Variants in ABCA13 observed in about 807,000 individuals in gnomAD.
ABCA13 encodes ATP-binding cassette sub-family A member 13.
A neutral mutation model predicts 478.7 loss-of-function variants in ABCA13; 476 were observed. The observed-to-expected ratio is 0.99, with a 90% CI of 0.92 to 1.07. The LOEUF is 1.07. Ranked by LOEUF, ABCA13 falls within the 50% of genes least tolerant of loss-of-function variation. The probability of loss-of-function intolerance (pLI) is 0.00; values close to 1 mark genes in which losing one functional copy is unlikely to be tolerated. For missense variants in ABCA13, 6,060 were observed against 5,910.6 expected (o/e 1.03, Z -0.83); for synonymous variants, 2,252 against 2,158.9 (o/e 1.04, Z -1.20).
chr7:48,372,557 C>T (rs1188650592), intron 33 of ABCA13, 60 bp downstream of exon 33: 8 of 1,337,856 alleles, frequency 6.0e-6, no homozygotes, highest in Non-Finnish European at 8.0e-6. Context: ...ATCTATCTAA[C>T]AAGACAAAAT....
chr7:48,420,792 A>T (rs1342290461), intron 41 of ABCA13, among the ~76,000 whole-genome samples: 1 of 151,498 alleles, frequency 6.6e-6, no homozygotes. Context: ...TTGCTGTAAA[A>T]TCTTTGCCCA....
At chr7:48,399,152 A>G (rs1817252870) in intron 38 of ABCA13, among the ~76,000 whole-genome samples, 1 of 152,222 alleles carries the variant, frequency 6.6e-6, no homozygotes, top group African/African-American at 2.4e-5. Flanking sequence ...TTTGCTGCAA[A>G]AAAAGCAAAG....
At chr7:48,625,086 T>C (rs1019966959) in intron 59 of ABCA13, among the ~76,000 whole-genome samples, 1 of 152,102 alleles carries the variant, frequency 6.6e-6, no homozygotes, top group African/African-American at 2.4e-5. Context: ...GAAGGGTTTG[T>C]TTGTGGATTT....
intron 43 of ABCA13, among the ~76,000 whole-genome samples, chr7:48,464,287 TG>T (rs950903306): frequency 2.4e-4 from 36 of 152,348 alleles, no homozygotes; most frequent in African/African-American, 8.4e-4. Flanking sequence ...TTTCCTAATT[TG>T]TTAGAAACCT....
chr7:48,367,882 T>C lies in ABCA13; in HGVS notation c.10777T>C (p.Tyr3593His). 1 of 1,578,488 alleles carries C rather than the reference T, an allele frequency of 6.3e-7. No homozygotes were observed. The highest frequency in any genetic ancestry group is 8.6e-7 in the Non-Finnish European group (1 of 1,161,022). Residue 3593 changes from tyrosine to histidine, a missense_variant, in exon 32 of 62, where the codon TAT becomes CAT. This residue lies in a region of ABCA13 where 4,423 missense variants were observed against 4,309.1 expected (regional missense o/e 1.03). Transcript: ENST00000435803. Reference protein sequence around the residue: ...SVASMVRKLVYEQEIQIEEYM... With the variant: ...SVASMVRKLVHEQEIQIEEYM... ...GGCCAGCATGGTCAGAAAGTTGGTG[T>C]ATGAGCAGGAGATACAGATAGAAGA... is the stretch of plus-strand genomic sequence containing the variant.
chr7:48,530,325 T>C (rs1024530768), intron 55 of ABCA13, among the ~76,000 whole-genome samples: 5 of 151,788 alleles, frequency 3.3e-5, no homozygotes, highest in African/African-American at 9.7e-5. Context: ...TGTATATATA[T>C]ACACATATAC....
chr7:48,311,150 G>A (rs561751282), intron 24 of ABCA13, among the ~76,000 whole-genome samples: 1 of 152,174 alleles, frequency 6.6e-6, no homozygotes, highest in South Asian at 2.1e-4. Flanking sequence ...CCTGAGTTTG[G>A]GTGAACAGTT....
At chr7:48,267,792 C>G (rs1225209618) in intron 15 of ABCA13, among the ~76,000 whole-genome samples, 1 of 152,086 alleles carries the variant, frequency 6.6e-6, no homozygotes, top group Non-Finnish European at 1.5e-5. Flanking sequence ...ATTAATTTTT[C>G]TCTTCTTTAT....
At chr7:48,360,699 C>T (rs1314788689) in intron 31 of ABCA13, among the ~76,000 whole-genome samples, 12 of 151,960 alleles carry the variant, frequency 7.9e-5, no homozygotes, top group African/African-American at 2.9e-4. Context: ...TCATGTTTTA[C>T]AAACTAGAAA....
intron 55 of ABCA13, among the ~76,000 whole-genome samples, chr7:48,577,734 A>C (rs984466883): frequency 3.9e-5 from 6 of 152,174 alleles, no homozygotes; most frequent in Non-Finnish European, 7.4e-5. Context: ...TTATGAGGCC[A>C]GCATTATCAT....
At chr7:48,338,063 A>T (rs1339878376) in intron 28 of ABCA13, among the ~76,000 whole-genome samples, 1 of 152,238 alleles carries the variant, frequency 6.6e-6, no homozygotes, top group Admixed American at 6.5e-5. Flanking sequence ...AAGGTTCATT[A>T]TATAGGTTCG....
At chr7:48,605,527 C>T (rs1791378562) in intron 58 of ABCA13, among the ~76,000 whole-genome samples, 1 of 152,176 alleles carries the variant, frequency 6.6e-6, no homozygotes, top group Non-Finnish European at 1.5e-5. Flanking sequence ...ATTAAGAATG[C>T]TGAATATTGT....
At chr7:48,439,820 C>A (rs1241009800) in intron 42 of ABCA13, among the ~76,000 whole-genome samples, 1 of 152,088 alleles carries the variant, frequency 6.6e-6, no homozygotes, top group Non-Finnish European at 1.5e-5. Context: ...TTAATGAGAT[C>A]TGTAAAATGT....
intron 50 of ABCA13, among the ~76,000 whole-genome samples, chr7:48,510,843 T>C (rs1831615306): frequency 6.6e-6 from 1 of 151,860 alleles, no homozygotes; most frequent in South Asian, 2.1e-4. Flanking sequence ...TTGTTCAAAG[T>C]CCTGTCTTCA....
intron 31 of ABCA13, among the ~76,000 whole-genome samples, chr7:48,355,626 G>A (rs1397356162): frequency 6.6e-6 from 1 of 152,036 alleles, no homozygotes; most frequent in East Asian, 1.9e-4. Flanking sequence ...CCAGGTGAGA[G>A]ATGATGGTGG....
chr7:48,606,445 T>A (rs545480366), intron 58 of ABCA13, among the ~76,000 whole-genome samples: 1 of 152,316 alleles, frequency 6.6e-6, no homozygotes, highest in African/African-American at 2.4e-5. Flanking sequence ...CCTTTCTGTT[T>A]GTTAGTTTTT....
Position 48,594,707 on chromosome 7 carries a change from C to T in ABCA13, c.14641-3C>T, listed in dbSNP as rs1020263971. The T allele has an allele frequency of 1.9e-6, 3 of 1,613,366 alleles. No individual in the cohort carries two copies. The highest frequency in any genetic ancestry group is 2.5e-6 in the Non-Finnish European group (3 of 1,179,484). ...TGATTACTCTGTGTTGCCTTTCCTT[C>T]AGGATGAGCCCAGCTCTGGGATGGA... On this transcript the variant is annotated splice_region_variant and splice_polypyrimidine_tract_variant and intron_variant, in intron 57 of 61. Coordinates refer to ENST00000435803, the MANE Select transcript of ABCA13 (RefSeq NM_152701.5).
intron 58 of ABCA13, among the ~76,000 whole-genome samples, chr7:48,597,149 A>G (rs936742963): frequency 2.0e-5 from 3 of 152,002 alleles, no homozygotes; most frequent in Admixed American, 6.5e-5. Flanking sequence ...ACGGGGTTTC[A>G]CCGTGTTAGC....
In ABCA13 at chr7:48,191,031, A is replaced by G. The variant is rs906425262; in HGVS notation, c.70-1928A>G. On this transcript the variant is annotated intron_variant, in intron 1 of 61. Transcript: ENST00000435803. ...AAAAACCCAAGAAAATTATGTGTTT[A>G]TTATTCTTAATGCTATCAAGTTATC... Among the ~76,000 whole-genome samples the G allele has an allele frequency of 2.0e-5, 3 of 152,152 alleles. 1 individual carries two copies. Among genetic ancestry groups the G allele is most frequent in the Non-Finnish European group, 2.9e-5 (2 of 68,010 alleles).
Sources: gnomAD v4.1 joint callset for allele counts (sites outside exome capture counted in the v4.1 genomes callset) on GRCh38, gnomAD v4.1.1 for gene constraint, gnomAD v4.1.1 regional missense constraint, MANE v1.5 for transcripts, NCBI Gene and HGNC (gene_info 2026-07-23, HGNC 2026-07-21) for gene names.